RBM38: variants seen among roughly 807,000 people sequenced by gnomAD.
The protein encoded by RBM38 is RNA-binding protein 38.
A neutral mutation model predicts 23.5 loss-of-function variants in RBM38; 11 were observed. The observed-to-expected ratio is 0.47, with a 90% CI of 0.29 to 0.77. The LOEUF (loss-of-function observed/expected upper bound fraction) is 0.77. Ranked by LOEUF, RBM38 falls within the 30% of genes least tolerant of loss-of-function variation. The pLI is 0.08. For synonymous variants in RBM38, 165 were observed against 166.1 expected (o/e 0.99, Z 0.05); for missense variants, 330 against 351.9 (o/e 0.94, Z 0.50).
At chr20:57,402,196 C>T (rs1029188367) in intron 3 of RBM38, among the ~76,000 whole-genome samples, 4 of 152,204 alleles carry the variant, frequency 2.6e-5, no homozygotes, top group African/African-American at 9.7e-5. Context: ...CCGCCCGCCT[C>T]GGCCTCCCTA....
intron 3 of RBM38, among the ~76,000 whole-genome samples, chr20:57,397,164 A>G (rs1183670956): frequency 6.6e-6 from 1 of 152,170 alleles, no homozygotes; most frequent in East Asian, 1.9e-4. Flanking sequence ...CCTTCCCTAC[A>G]GGGCCAACTT....
intron 3 of RBM38, 75 bp downstream of exon 3, chr20:57,393,408 T>C: frequency 2.1e-6 from 3 of 1,447,550 alleles, no homozygotes; most frequent in East Asian, 2.3e-5. Flanking sequence ...TTCCTGGGTC[T>C]GGAAGGCTGG....
chr20:57,399,932 G>C (rs770674148), intron 3 of RBM38: 2 of 456,316 alleles, frequency 4.4e-6, no homozygotes, highest in South Asian at 3.1e-5. Context: ...TTTCAGAGGC[G>C]ACTTTATGTT....
chr20:57,406,714 C>G (rs895835530), intron 3 of RBM38, among the ~76,000 whole-genome samples: 5 of 152,120 alleles, frequency 3.3e-5, no homozygotes, highest in Admixed American at 1.3e-4. Context: ...CCTGTGAGGG[C>G]TGGGCACGGT....
chr20:57,393,098 A>C, intron 2 of RBM38, 181 bp from the exon 3 acceptor site: 3 of 673,394 alleles, frequency 4.5e-6, no homozygotes, highest in Non-Finnish European at 7.8e-6. Flanking sequence ...TGCGTCACTC[A>C]CTGCCACACT....
chr20:57,400,918 C>T (rs2067321500), intron 3 of RBM38, among the ~76,000 whole-genome samples: 1 of 152,134 alleles, frequency 6.6e-6, no homozygotes, highest in Admixed American at 6.5e-5. Flanking sequence ...CTGGGGAGCG[C>T]GTGGGACTCC....
At chr20:57,405,321 G>A (rs144267638) in intron 3 of RBM38, among the ~76,000 whole-genome samples, 57 of 152,362 alleles carry the variant, frequency 3.7e-4, no homozygotes, top group East Asian at 3.3e-3. Flanking sequence ...TGAGAAAGGC[G>A]TCACAGCTCG....
chr20:57,397,814 A>G (rs925202596), intron 3 of RBM38, among the ~76,000 whole-genome samples: 8 of 152,162 alleles, frequency 5.3e-5, no homozygotes, highest in African/African-American at 1.4e-4. Context: ...ACGGTCCCCG[A>G]TCTCGTGCTC....
intron 3 of RBM38, among the ~76,000 whole-genome samples, chr20:57,403,415 C>G (rs2067349603): frequency 6.6e-6 from 1 of 152,236 alleles, no homozygotes; most frequent in Non-Finnish European, 1.5e-5. Context: ...GGTGTTCTCA[C>G]TCCCCCTTGG....
chr20:57,402,027 A>G (rs1230864657), intron 3 of RBM38, among the ~76,000 whole-genome samples: 1 of 152,128 alleles, frequency 6.6e-6, no homozygotes, highest in Non-Finnish European at 1.5e-5. Context: ...AGCTCACTGC[A>G]GCCTCCGCCT....
Position 57,407,610 on chromosome 20 carries a change from G to A in RBM38, c.484G>A (p.Val162Ile), listed in dbSNP as rs1195983068. 7 of 1,613,616 alleles carry A rather than the reference G, an allele frequency of 4.3e-6. No individual in the cohort carries two copies. In the East Asian group the frequency reaches 8.9e-5, roughly 21 times the overall value. ...CAGCGTGGTGATCCCAGCCGCCCCT[G>A]TCCCGTCGCTGTCCTCGCCCTACAT... is the stretch of plus-strand genomic sequence containing the variant. ...QPSVVIPAAP[V>I]PSLSSPYIEY... is the part of the protein sequence containing the mutation. The change falls in exon 4 of 4, where the codon GTC (valine) becomes ATC (isoleucine). Residue 162 changes from valine (V) to isoleucine (I), a missense_variant. Around this residue, in one of 3 missense-constraint regions of RBM38, gnomAD observed 227 missense variants for 216.4 expected, o/e 1.05. Coordinates refer to ENST00000356208, the MANE Select transcript of RBM38 (RefSeq NM_017495.6). The surrounding 1 kb of genome is among the most constrained non-coding windows in gnomAD (Gnocchi z 4.0).
intron 3 of RBM38, among the ~76,000 whole-genome samples, chr20:57,402,068 C>G (rs2067333655): frequency 6.6e-6 from 1 of 152,210 alleles, no homozygotes; most frequent in African/African-American, 2.4e-5. Flanking sequence ...CTGCCTCGGC[C>G]TCCTGAGTAG....
intron 3 of RBM38, among the ~76,000 whole-genome samples, chr20:57,401,493 G>C (rs944971311): frequency 6.6e-6 from 1 of 152,220 alleles, no homozygotes; most frequent in Admixed American, 6.5e-5. Flanking sequence ...TCCACGGGGG[G>C]GCTCTTTTGC....
At chr20:57,405,348 C>G (rs901994228) in intron 3 of RBM38, among the ~76,000 whole-genome samples, 2 of 152,226 alleles carry the variant, frequency 1.3e-5, no homozygotes, top group African/African-American at 4.8e-5. Context: ...AGAATTCAAA[C>G]CCAGGCCTGG....
chr20:57,402,932 C>G (rs1270245413), intron 3 of RBM38, among the ~76,000 whole-genome samples: 1 of 152,232 alleles, frequency 6.6e-6, no homozygotes, highest in Non-Finnish European at 1.5e-5. Flanking sequence ...TTCCCCTTCC[C>G]CATGTGGTTT....
Position 57,391,685 on chromosome 20 carries a change from A to G in RBM38, c.104A>G (p.Lys35Arg). ...HGSQKDTTFTKIFVGGLPYHT... is the reference protein window; with the variant it reads ...HGSQKDTTFTRIFVGGLPYHT... ...TCGCAGAAGGACACCACGTTCACCAAGATCTTCGTGGGCGGCCTGCCGTAC... is the reference window on the plus strand; with the variant it reads ...TCGCAGAAGGACACCACGTTCACCAGGATCTTCGTGGGCGGCCTGCCGTAC... The change falls in exon 1 of 4, where the codon AAG becomes AGG. Residue 35 changes from lysine (K) to arginine (R), a missense_variant. Lys to Arg is a conservative substitution (Grantham distance 26). Coordinates refer to ENST00000356208, the MANE Select transcript of RBM38 (RefSeq NM_017495.6). The G allele has an allele frequency of 3.3e-6, 5 of 1,514,740 alleles. No individual in the cohort carries two copies. The highest frequency in any genetic ancestry group is 4.4e-6 in the Non-Finnish European group (5 of 1,128,802). 93.8% of individuals were successfully genotyped at this position (1,514,740 alleles called of 1,614,324 possible).
chr20:57,393,585 C>A (rs919011492), intron 3 of RBM38, among the ~76,000 whole-genome samples: 9 of 152,204 alleles, frequency 5.9e-5, no homozygotes, highest in African/African-American at 2.2e-4. Context: ...AGGTGTGTGG[C>A]CTCAGTTTCC....
chr20:57,394,284 T>C (rs1204538193), intron 3 of RBM38, among the ~76,000 whole-genome samples: 1 of 152,194 alleles, frequency 6.6e-6, no homozygotes, highest in Admixed American at 6.5e-5. Context: ...TGGGGCAGTG[T>C]GGACAAGGAT....
At chr20:57,400,740 T>C (rs2067318842) in intron 3 of RBM38, among the ~76,000 whole-genome samples, 1 of 151,920 alleles carries the variant, frequency 6.6e-6, no homozygotes, top group African/African-American at 2.4e-5. Context: ...CTCTGATTGG[T>C]GCAAGACCCT....
Sources: gnomAD v4.1 joint callset for allele counts (sites outside exome capture counted in the v4.1 genomes callset) on GRCh38, gnomAD v4.1.1 for gene constraint, gnomAD v4.1.1 regional missense constraint, Gnocchi (gnomAD v3.1) non-coding constraint, MANE v1.5 for transcripts, NCBI Gene and HGNC (gene_info 2026-07-23, HGNC 2026-07-21) for gene names.